Variants in TTC9 observed in about 807,000 individuals in gnomAD.
TTC9 encodes tetratricopeptide repeat protein 9A.
TTC9 carries 13 observed loss-of-function variants against 22.9 expected under a neutral mutation model. The ratio of observed to expected loss-of-function variants is 0.57; its 90% CI spans 0.37 to 0.90. The LOEUF (loss-of-function observed/expected upper bound fraction) is 0.90. TTC9 is among the 40% of genes least tolerant of loss of function. The pLI is 0.01. For missense variants in TTC9, 280 were observed against 291.8 expected, an observed-to-expected ratio of 0.96 and a Z score of 0.29; for synonymous variants, 148 against 133.2, an observed-to-expected ratio of 1.11 and a Z score of -0.77.
chr14:70,663,455 T>C (rs762252559), intron 1 of TTC9, among the ~76,000 whole-genome samples: 23 of 152,278 alleles, frequency 1.5e-4, no homozygotes, highest in Non-Finnish European at 2.9e-4. Flanking sequence ...GCTCAAGACA[T>C]CCTCATGTAA....
At chr14:70,653,617 C>CA (rs968663583) in intron 1 of TTC9, among the ~76,000 whole-genome samples, 23 of 152,280 alleles carry the variant, frequency 1.5e-4, no homozygotes, top group African/African-American at 5.5e-4. Context: ...AGGCACACAT[C>CA]ATCTCCAGCC....
chr14:70,646,528 T>C (rs910501520), intron 1 of TTC9, among the ~76,000 whole-genome samples: 3 of 152,186 alleles, frequency 2.0e-5, no homozygotes, highest in Admixed American at 2.0e-4. Flanking sequence ...ACAATAACTT[T>C]GTTGGTATTT....
chr14:70,655,254 C>CCTGGTG (rs1257553545), intron 1 of TTC9, among the ~76,000 whole-genome samples: 1 of 152,096 alleles, frequency 6.6e-6, no homozygotes, highest in Non-Finnish European at 1.5e-5. Flanking sequence ...ATTAGCCAGG[C>CCTGGTG]GCAGTGGCGT....
At chr14:70,652,543 T>G (rs532615532) in intron 1 of TTC9, among the ~76,000 whole-genome samples, 10 of 152,214 alleles carry the variant, frequency 6.6e-5, no homozygotes, top group Non-Finnish European at 1.3e-4. Context: ...CAATGCCAGC[T>G]ATATTAGGCC....
intron 1 of TTC9, among the ~76,000 whole-genome samples, chr14:70,642,897 C>G (rs1885845518): frequency 6.6e-6 from 1 of 152,194 alleles, no homozygotes; most frequent in African/African-American, 2.4e-5. Flanking sequence ...CAGCTTTTTC[C>G]TGCGGGTGGG....
At chr14:70,654,391 G>A (rs1886028258) in intron 1 of TTC9, among the ~76,000 whole-genome samples, 1 of 151,920 alleles carries the variant, frequency 6.6e-6, no homozygotes, top group Non-Finnish European at 1.5e-5. Context: ...AGGAGTTTGA[G>A]ACCAGCCTGG....
At chr14:70,661,336 G>A (rs892010050) in intron 1 of TTC9, among the ~76,000 whole-genome samples, 1 of 152,138 alleles carries the variant, frequency 6.6e-6, no homozygotes, top group Non-Finnish European at 1.5e-5. Context: ...ACATTCTTAG[G>A]TACTGAGGGT....
intron 1 of TTC9, among the ~76,000 whole-genome samples, chr14:70,650,874 G>A (rs1021255703): frequency 6.6e-6 from 1 of 152,188 alleles, no homozygotes; most frequent in African/African-American, 2.4e-5. Flanking sequence ...TGCTAGTACA[G>A]TGTTCGCATT....
At chr14:70,658,778 G>A (rs34925522) in intron 1 of TTC9, among the ~76,000 whole-genome samples, 20,072 of 152,062 alleles carry the variant, frequency 0.13, 1,534 homozygotes, top group Non-Finnish European at 0.18. Context: ...AACTTTATTC[G>A]TAATAATCAA....
chr14:70,645,499 AT>A (rs1399464587), intron 1 of TTC9, among the ~76,000 whole-genome samples: 1 of 152,228 alleles, frequency 6.6e-6, no homozygotes, highest in Non-Finnish European at 1.5e-5. Flanking sequence ...TTTCATGAAA[AT>A]ATTTTCATGA....
Position 70,671,151 on chromosome 14 carries a change from T to G in TTC9, c.665T>G (p.Met222Arg), listed in dbSNP as rs1211452133. The change falls in exon 3 of 3, where the codon ATG (methionine) becomes AGG (arginine). Residue 222 changes from methionine (M) to arginine (R), a missense_variant. Physicochemically the swap from Met to Arg is moderately conservative, Grantham distance 91. Transcript: ENST00000256367. The part of the protein sequence containing the change: ...SRCSQREKEA[M>R] ...TGCTCCCAGAGAGAAAAAGAAGCCA[T>G]GTAACCAGGAAGCAGCTCCAGAGCT... 1.2e-6 allele frequency: 2 copies of G among 1,613,316 alleles called. No homozygotes were observed. The highest frequency in any genetic ancestry group is 1.7e-5 in the Admixed American group (1 of 59,982).
chr14:70,665,060 C>CTTTTTA (rs1566701401), intron 1 of TTC9, among the ~76,000 whole-genome samples: 8 of 152,210 alleles, frequency 5.3e-5, no homozygotes, highest in African/African-American at 1.7e-4. Flanking sequence ...TCCCCTGCCC[C>CTTTTTA]TGTCACCACC....
At chr14:70,651,210 A>T (rs1434695996) in intron 1 of TTC9, among the ~76,000 whole-genome samples, 1 of 152,190 alleles carries the variant, frequency 6.6e-6, no homozygotes, top group Non-Finnish European at 1.5e-5. Flanking sequence ...TCTAACTCCC[A>T]GCCTCAAGTG....
At chr14:70,660,624 G>A (rs12590984) in intron 1 of TTC9, among the ~76,000 whole-genome samples, 11,712 of 152,038 alleles carry the variant, frequency 0.077, 582 homozygotes, top group South Asian at 0.15. Context: ...CATATAACTC[G>A]CCCTCGGGCC....
At chr14:70,669,053 G>A (rs921654228) in intron 2 of TTC9, among the ~76,000 whole-genome samples, 2 of 151,562 alleles carry the variant, frequency 1.3e-5, no homozygotes, top group African/African-American at 4.8e-5. Flanking sequence ...CTACTCAGGA[G>A]GCTGAGGCAG....
intron 1 of TTC9, among the ~76,000 whole-genome samples, chr14:70,645,419 G>A (rs898539282): frequency 6.6e-6 from 1 of 152,106 alleles, no homozygotes; most frequent in Non-Finnish European, 1.5e-5. Context: ...ACAAAGCTGA[G>A]GTCCTCCTGT....
chr14:70,654,612 A>AAAAAAAAAAAT, intron 1 of TTC9, among the ~76,000 whole-genome samples: 1 of 129,690 alleles, frequency 7.7e-6, no homozygotes, highest in Non-Finnish European at 1.7e-5. Context: ...AAAAAAAAAA[A>AAAAAAAAAAAT]AAAAAAAAAA....
At position 70,671,299 on chromosome 14, in the gene TTC9, T is replaced by C. The variant is rs1482268413; in HGVS notation, c.*144T>C. The C allele has an allele frequency of 1.2e-5, 8 of 644,880 alleles. No homozygotes were observed. Among genetic ancestry groups the C allele is most frequent in the Non-Finnish European group, 1.8e-5 (7 of 381,052 alleles). The allele number at this position is 644,880 out of a possible 1,614,324, so 39.9% of individuals were successfully genotyped here. A position where few individuals can be genotyped will look rare whatever the true frequency, so the allele number is the denominator to read the frequency against. ...TTCCTCCTGTTGCACCCCAGCTCTT[T>C]GTCTCCTCCCAGTACGAAAAGGAGA... On this transcript the variant is annotated 3_prime_UTR_variant, in exon 3 of 3. Transcript: ENST00000256367.
intron 1 of TTC9, among the ~76,000 whole-genome samples, chr14:70,666,121 G>C (rs1886212230): frequency 6.6e-6 from 1 of 152,012 alleles, no homozygotes; most frequent in Non-Finnish European, 1.5e-5. Flanking sequence ...TGGCTCAGCA[G>C]GGTTGGGATT....
Sources: allele counts gnomAD v4.1 joint callset (sites outside exome capture counted in the v4.1 genomes callset), GRCh38; gene constraint gnomAD v4.1.1; transcripts MANE v1.5; gene names NCBI Gene and HGNC (gene_info 2026-07-23, HGNC 2026-07-21).